The following SH3RF3 variants were observed in gnomAD, a reference collection of about 807,000 sequenced individuals.
SH3RF3 encodes the protein E3 ubiquitin-protein ligase SH3RF3.
SH3RF3 carries 29 observed loss-of-function variants against 66.3 expected under a neutral mutation model. The ratio of observed to expected loss-of-function variants is 0.44; its 90% CI spans 0.33 to 0.60. The LOEUF is 0.60. Among genes scored for constraint, SH3RF3 ranks in the 20% least tolerant of loss-of-function variants. The probability of loss-of-function intolerance (pLI) is 0.04; values close to 1 mark genes in which losing one functional copy is unlikely to be tolerated. For missense variants in SH3RF3, 1,194 were observed against 1,190.9 expected (o/e 1.00, Z -0.04); for synonymous variants, 583 against 532.0 (o/e 1.10, Z -1.32).
At chr2:109,482,007 C>T (rs1284692120) in intron 8 of SH3RF3, among the ~76,000 whole-genome samples, 1 of 152,194 alleles carries the variant, frequency 6.6e-6, no homozygotes, top group Non-Finnish European at 1.5e-5. Flanking sequence ...GGATGCCTTC[C>T]AGTTACTGAA....
At chr2:109,405,763 G>T (rs10192643) in intron 4 of SH3RF3, among the ~76,000 whole-genome samples, 1 of 151,992 alleles carries the variant, frequency 6.6e-6, no homozygotes, top group Admixed American at 6.6e-5. Flanking sequence ...AGGACTTCCA[G>T]TGTGCCCATG....
chr2:109,219,303 G>A (rs889252606), intron 1 of SH3RF3, among the ~76,000 whole-genome samples: 13 of 127,298 alleles, frequency 1.0e-4, no homozygotes, highest in African/African-American at 4.1e-4. Context: ...AACATTTTGT[G>A]TAATTACATA....
At chr2:109,389,041 C>T (rs894650766) in intron 3 of SH3RF3, among the ~76,000 whole-genome samples, 1 of 152,222 alleles carries the variant, frequency 6.6e-6, no homozygotes. Flanking sequence ...CCATCACATG[C>T]AGCATCATAG....
intron 1 of SH3RF3, among the ~76,000 whole-genome samples, chr2:109,269,339 G>A (rs1003680428): frequency 6.6e-6 from 1 of 152,188 alleles, no homozygotes; most frequent in Non-Finnish European, 1.5e-5. Flanking sequence ...TTCCCCCCGG[G>A]AGAACAGAGG....
chr2:109,241,636 C>T (rs985647534), intron 1 of SH3RF3, among the ~76,000 whole-genome samples: 1 of 152,124 alleles, frequency 6.6e-6, no homozygotes. Flanking sequence ...CCCTGGGACT[C>T]TCTGTCTCCC....
chr2:109,378,759 A>T (rs1683446304), intron 3 of SH3RF3, among the ~76,000 whole-genome samples: 1 of 152,102 alleles, frequency 6.6e-6, no homozygotes, highest in Non-Finnish European at 1.5e-5. Context: ...CCCATGACTT[A>T]TGAGGCTTCC....
intron 7 of SH3RF3, among the ~76,000 whole-genome samples, chr2:109,440,318 C>T (rs1677526064): frequency 6.6e-6 from 1 of 152,148 alleles, no homozygotes; most frequent in African/African-American, 2.4e-5. Flanking sequence ...GCCGCCGAGG[C>T]CAGGGGCCCA....
chr2:109,297,316 G>A lies in SH3RF3; in HGVS notation c.574-50358G>A, dbSNP rs151030046. Reference sequence around the variant, plus strand: ...AAGACTGACTTCTGCTTCCATCTTCGATGAGACCCTTTGCTCAGTTGAGAG... The same window carrying A: ...AAGACTGACTTCTGCTTCCATCTTCAATGAGACCCTTTGCTCAGTTGAGAG... On this transcript the variant is annotated intron_variant, in intron 1 of 9. Transcript: ENST00000309415. Among the ~76,000 whole-genome samples the A allele has an allele frequency of 2.0e-5, 3 of 152,172 alleles. No homozygotes were observed. The East Asian group carries it at 5.8e-4, about 29-fold the overall frequency.
At chr2:109,486,698 C>G (rs965962623) in intron 8 of SH3RF3, among the ~76,000 whole-genome samples, 1 of 152,028 alleles carries the variant, frequency 6.6e-6, no homozygotes, top group Non-Finnish European at 1.5e-5. Context: ...TTGCACCCAG[C>G]AGTGTGGTTG....
At chr2:109,450,285 G>A (rs1677830414) in intron 8 of SH3RF3, among the ~76,000 whole-genome samples, 2 of 152,036 alleles carry the variant, frequency 1.3e-5, no homozygotes, top group South Asian at 2.1e-4. Flanking sequence ...GGCAGAGCCT[G>A]CAGTGAGCCA....
In SH3RF3 at chr2:109,271,011, T is replaced by A. The variant is rs1346985959; in HGVS notation, c.574-76663T>A. Among the ~76,000 whole-genome samples, 4 of 152,338 alleles carry A rather than the reference T, an allele frequency of 2.6e-5. No individual in the cohort carries two copies. The South Asian group carries it at 8.3e-4, about 32-fold the overall frequency. ...ATTCCATTTTCTGGGTCACCCCTCA[T>A]TGAACATTTACTATGTGCCTGGTGA... On this transcript the variant is annotated intron_variant, in intron 1 of 9. Coordinates refer to ENST00000309415, the MANE Select transcript of SH3RF3 (RefSeq NM_001099289.3).
intron 8 of SH3RF3, among the ~76,000 whole-genome samples, chr2:109,477,613 GGTGTGTGT>G (rs71383845): frequency 2.7e-5 from 4 of 149,320 alleles, no homozygotes; most frequent in South Asian, 2.1e-4. Flanking sequence ...GCCACAGATG[GGTGTGTGT>G]GTGTGTGTGT....
chr2:109,379,112 G>C (rs1024800976), intron 3 of SH3RF3, among the ~76,000 whole-genome samples: 3 of 152,200 alleles, frequency 2.0e-5, no homozygotes, highest in Non-Finnish European at 4.4e-5. Context: ...TTGCTGTCCT[G>C]TGCGTTCTGC....
chr2:109,331,698 TTTTC>T (rs1682290089), intron 1 of SH3RF3, among the ~76,000 whole-genome samples: 1 of 151,366 alleles, frequency 6.6e-6, no homozygotes, highest in African/African-American at 2.5e-5. Flanking sequence ...TTTGTTTCTA[TTTTC>T]TTTATCTATT....
At chr2:109,179,184 G>A (rs1678009894) in intron 1 of SH3RF3, among the ~76,000 whole-genome samples, 1 of 152,172 alleles carries the variant, frequency 6.6e-6, no homozygotes, top group Non-Finnish European at 1.5e-5. Context: ...GTATCTTGCA[G>A]CTGCGTGGAA....
intron 1 of SH3RF3, among the ~76,000 whole-genome samples, chr2:109,136,979 T>C (rs1328316210): frequency 3.9e-5 from 6 of 152,218 alleles, no homozygotes. Context: ...CTGGCTTCAC[T>C]GCACAGATAT....
At chr2:109,278,652 G>A (rs543460917) in intron 1 of SH3RF3, among the ~76,000 whole-genome samples, 138 of 152,348 alleles carry the variant, frequency 9.1e-4, no homozygotes, top group African/African-American at 3.3e-3. Flanking sequence ...TTGGCTTCAA[G>A]CTTTGATTAG....
chr2:109,386,979 A>G (rs1241303765), intron 3 of SH3RF3, among the ~76,000 whole-genome samples: 1 of 152,236 alleles, frequency 6.6e-6, no homozygotes, highest in African/African-American at 2.4e-5. Context: ...TTTTCTGATT[A>G]TAAAAATAAT....
intron 1 of SH3RF3, among the ~76,000 whole-genome samples, chr2:109,332,743 C>T (rs994036175): frequency 6.6e-6 from 1 of 152,196 alleles, no homozygotes. Flanking sequence ...GCAGCCACCC[C>T]GCCCCCAGGG....
Sources: allele counts gnomAD v4.1 joint callset (sites outside exome capture counted in the v4.1 genomes callset), GRCh38; gene constraint gnomAD v4.1.1; transcripts MANE v1.5; gene names NCBI Gene and HGNC (gene_info 2026-07-23, HGNC 2026-07-21).